DEAF1: variants seen among roughly 807,000 people sequenced by gnomAD.
The protein encoded by DEAF1 is DEAF1 transcription factor, also known as deformed epidermal autoregulatory factor 1 homolog.
A neutral mutation model predicts 58.9 loss-of-function variants in DEAF1; 53 were observed. The observed-to-expected ratio is 0.90, with a 90% CI of 0.72 to 1.13. DEAF1 has a LOEUF of 1.13. Among genes scored for constraint, DEAF1 ranks in the 50% most tolerant of loss-of-function variants. The pLI is 0.00. For synonymous variants in DEAF1, 385 were observed against 340.4 expected (o/e 1.13, Z -1.44); for missense variants, 685 against 791.4 (o/e 0.87, Z 1.61).
chr11:704,025 G>T, intron 1 of DEAF1: 1 of 1,190,898 alleles, frequency 8.4e-7, no homozygotes, highest in Non-Finnish European at 1.0e-6. Context: ...CCCTTCACTT[G>T]ATTCTATTGT....
chr11:686,092 GGC>G (rs1175614736), intron 5 of DEAF1, among the ~76,000 whole-genome samples: 1 of 150,180 alleles, frequency 6.7e-6, no homozygotes, highest in African/African-American at 2.5e-5. Flanking sequence ...AGACCAGCCT[GGC>G]CAACATGGTG....
At chr11:691,435 C>T (rs146959211) in intron 2 of DEAF1, 66 bp downstream of exon 2, 35 of 1,483,136 alleles carry the variant, frequency 2.4e-5, no homozygotes, top group African/African-American at 1.5e-4. Context: ...GGGAGAGCCT[C>T]GGGGAAGCCG....
At chr11:704,767 T>C in intron 1 of DEAF1, 2 of 705,822 alleles carry the variant, frequency 2.8e-6, no homozygotes, top group Non-Finnish European at 2.1e-6. Flanking sequence ...GCCTGGACTG[T>C]CTCCTGAGGG....
chr11:670,630 G>A (rs541857834), intron 10 of DEAF1, among the ~76,000 whole-genome samples: 67 of 151,394 alleles, frequency 4.4e-4, no homozygotes, highest in African/African-American at 1.3e-3. Flanking sequence ...CACAAGAATC[G>A]CTTGAACCTG....
At chr11:679,428 A>T (rs905689544) in intron 8 of DEAF1, among the ~76,000 whole-genome samples, 1 of 152,220 alleles carries the variant, frequency 6.6e-6, no homozygotes, top group Non-Finnish European at 1.5e-5. Context: ...AGTCAAAAGC[A>T]GGAGCCGGCA....
intron 10 of DEAF1, 106 bp downstream of exon 10, chr11:674,429 CA>C: frequency 1.4e-6 from 2 of 1,476,848 alleles, no homozygotes; most frequent in Non-Finnish European, 1.9e-6. Context: ...AAAGGTGGGG[CA>C]GGGGCCTTGT....
chr11:644,282 G>A lies in DEAF1; in HGVS notation c.*268C>T, dbSNP rs1013060920. ...GACACAACACGTATGTATGTGCGTC[G>A]CAGCACAGGCCCTGTGGGCAAGACC... On this transcript the variant is annotated 3_prime_UTR_variant, in exon 12 of 12. Transcript: ENST00000382409. The surrounding 1 kb of genome is among the most constrained non-coding windows in gnomAD (Gnocchi z 4.3). The A allele has an allele frequency of 4.6e-5, 26 of 566,666 alleles. No individual in the cohort carries two copies. Among genetic ancestry groups the A allele is most frequent in the African/African-American group, 2.6e-4 (14 of 53,150 alleles). 35.1% of individuals were successfully genotyped at this position (566,666 alleles called of 1,614,324 possible). A position where few individuals can be genotyped will look rare whatever the true frequency, so the allele number is the denominator to read the frequency against.
intron 7 of DEAF1, among the ~76,000 whole-genome samples, chr11:680,293 C>T (rs994114560): frequency 1.3e-5 from 2 of 152,162 alleles, no homozygotes; most frequent in Non-Finnish European, 2.9e-5. Context: ...ACTCTTCCTG[C>T]ACCCACCACC....
Position 691,023 on chromosome 11 carries a change from C to A in DEAF1, c.387+478G>T, listed in dbSNP as rs570120968. Among the ~76,000 whole-genome samples the A allele has an allele frequency of 2.2e-4, 34 of 152,344 alleles. No individual in the cohort carries two copies. The South Asian group carries it at 6.4e-3, about 29-fold the overall frequency. ...AAAAGGGCTCTGAAGGTGGCACAGA[C>A]ACTATTTGAAATGCAACTGGCTTTC... On this transcript the variant is annotated intron_variant, in intron 2 of 11. Coordinates refer to ENST00000382409, the MANE Select transcript of DEAF1 (RefSeq NM_021008.4).
intron 10 of DEAF1, among the ~76,000 whole-genome samples, chr11:656,879 T>A (rs933031308): frequency 7.2e-5 from 11 of 151,942 alleles, no homozygotes; most frequent in African/African-American, 2.4e-4. Context: ...TTTTTTTTTT[T>A]AAACTGAAAA....
intron 1 of DEAF1, chr11:704,189 G>C: frequency 9.6e-7 from 1 of 1,047,118 alleles, no homozygotes; most frequent in East Asian, 6.6e-5. Context: ...CTGCAAGAGA[G>C]CACACCCCAC....
upstream of DEAF1, chr11:695,682 C>T: frequency 8.0e-7 from 1 of 1,244,366 alleles, no homozygotes; most frequent in East Asian, 3.2e-5. Context: ...ACTAATCGGG[C>T]CTCGGCCGTG....
chr11:692,108 TCTCTGA>T (rs1322608554), intron 1 of DEAF1: 1 of 241,056 alleles, frequency 4.1e-6, no homozygotes, highest in Admixed American at 5.0e-5. Context: ...TTGCCCTTGG[TCTCTGA>T]CCCCTTCCTC....
At chr11:671,923 G>A (rs12575488) in intron 10 of DEAF1, among the ~76,000 whole-genome samples, 6,149 of 149,976 alleles carry the variant, frequency 0.041, 199 homozygotes, top group East Asian at 0.17. Context: ...TCTTCTGCTC[G>A]CCTGTCACCA....
intron 1 of DEAF1, among the ~76,000 whole-genome samples, chr11:694,153 C>T (rs956240762): frequency 6.6e-6 from 1 of 151,512 alleles, no homozygotes; most frequent in Non-Finnish European, 1.5e-5. Context: ...CCAGGATGGA[C>T]GAAGGCAGGG....
chr11:664,484 C>T (rs1411883623), intron 10 of DEAF1, among the ~76,000 whole-genome samples: 1 of 109,628 alleles, frequency 9.1e-6, no homozygotes, highest in African/African-American at 3.6e-5. Flanking sequence ...CAGCTATTCA[C>T]ACCGAGAGGA....
chr11:660,745 A>G (rs934322057), intron 10 of DEAF1, among the ~76,000 whole-genome samples: 4 of 152,184 alleles, frequency 2.6e-5, no homozygotes, highest in African/African-American at 4.8e-5. Context: ...GGCCGGGCCT[A>G]TTTGGCTCAC....
At chr11:700,503 G>A in intron 1 of DEAF1, 1 of 908,496 alleles carries the variant, frequency 1.1e-6, no homozygotes, top group Non-Finnish European at 1.8e-6. Context: ...CTCCATCCTG[G>A]GTGACAGAGC....
At chr11:671,981 A>G (rs1859848998) in intron 10 of DEAF1, among the ~76,000 whole-genome samples, 1 of 151,964 alleles carries the variant, frequency 6.6e-6, no homozygotes, top group African/African-American at 2.4e-5. Flanking sequence ...TGATGGTGAG[A>G]CCTCCCCAGC....
Sources: gnomAD v4.1 joint callset for allele counts (sites outside exome capture counted in the v4.1 genomes callset) on GRCh38, gnomAD v4.1.1 for gene constraint, Gnocchi (gnomAD v3.1) non-coding constraint, MANE v1.5 for transcripts, NCBI Gene and HGNC (gene_info 2026-07-23, HGNC 2026-07-21) for gene names.